The following FBRSL1 variants were observed in gnomAD, a reference collection of about 807,000 sequenced individuals.
FBRSL1 encodes fibrosin-1-like protein.
Under a neutral mutation model 89.6 loss-of-function variants are expected in FBRSL1, and 51 were observed. The observed-to-expected ratio is 0.57, with a 90% CI of 0.45 to 0.72. The LOEUF (loss-of-function observed/expected upper bound fraction) is 0.72, where lower values mean the gene tolerates loss of function less well. Among genes scored for constraint, FBRSL1 ranks in the 30% least tolerant of loss-of-function variants. FBRSL1 has a pLI of 0.00. For missense variants in FBRSL1, 1,618 were observed against 1,451.8 expected (o/e 1.11, Z -1.86); for synonymous variants, 779 against 681.1 (o/e 1.14, Z -2.24).
intron 5 of FBRSL1, among the ~76,000 whole-genome samples, chr12:132,558,136 C>T (rs1287013408): frequency 1.3e-5 from 2 of 152,150 alleles, no homozygotes; most frequent in Admixed American, 1.3e-4. Flanking sequence ...ACGGCCCCTC[C>T]TGGCTGGCTT....
intron 4 of FBRSL1, among the ~76,000 whole-genome samples, chr12:132,537,055 TCACCAGGAACCCCCTTGCTGTGTGGAGA>T (rs978628588): frequency 1.3e-5 from 2 of 152,140 alleles, no homozygotes; most frequent in African/African-American, 2.4e-5. Context: ...CCAGCTCTTG[TCACCAGGAACCCCCTTGCTGTGTGGAGA>T]CAGCTGGAGG....
intron 1 of FBRSL1, among the ~76,000 whole-genome samples, chr12:132,504,604 C>T (rs2033450130): frequency 6.6e-6 from 1 of 152,120 alleles, no homozygotes; most frequent in Non-Finnish European, 1.5e-5. Flanking sequence ...GTGCACTGCA[C>T]ACCTGTGGGG....
chr12:132,571,097 C>G lies in FBRSL1; in HGVS notation c.1243C>G (p.Pro415Ala). Reference protein sequence around the residue: ...DASLAVSFSQPIMYCQPHSGI... With the variant: ...DASLAVSFSQAIMYCQPHSGI... ...CAGCCTGGCGGTCTCATTCAGCCAG[C>G]CAATCATGTATTGCCAGCCTCATTC... Residue 415 changes from proline (P) to alanine (A), a missense_variant, in exon 9 of 19, where the codon CCA (proline) becomes GCA (alanine). By Grantham distance (27) the Pro-to-Ala change is conservative (BLOSUM62 -1). Coordinates refer to ENST00000680143, the MANE Select transcript of FBRSL1 (RefSeq NM_001367871.1). 7.4e-7 allele frequency: 1 copy of G among 1,358,570 alleles called. No homozygotes were observed. Among genetic ancestry groups the G allele is most frequent in the Non-Finnish European group, 9.5e-7 (1 of 1,057,836 alleles). 84.2% of individuals were successfully genotyped at this position (1,358,570 alleles called of 1,614,324 possible). A position where few individuals can be genotyped will look rare whatever the true frequency, so the allele number is the denominator to read the frequency against.
chr12:132,515,697 C>A (rs1275968262), intron 2 of FBRSL1, among the ~76,000 whole-genome samples: 3 of 151,922 alleles, frequency 2.0e-5, no homozygotes, highest in African/African-American at 7.3e-5. Flanking sequence ...GTCAGGAGTT[C>A]AAGACCAGCC....
intron 18 of FBRSL1, 58 bp downstream of exon 18, chr12:132,582,324 C>A (rs575274156): frequency 4.8e-6 from 7 of 1,444,766 alleles, no homozygotes; most frequent in Middle Eastern, 1.7e-4. Flanking sequence ...TTCTTTCCCC[C>A]CTCCCGTCAT....
chr12:132,492,568 C>G (rs2031226544), intron 1 of FBRSL1, among the ~76,000 whole-genome samples: 1 of 152,238 alleles, frequency 6.6e-6, no homozygotes, highest in Non-Finnish European at 1.5e-5. Flanking sequence ...GAACTGTACT[C>G]AGGAGATCCA....
chr12:132,572,794 C>G (rs112000448), intron 11 of FBRSL1, among the ~76,000 whole-genome samples, 172 bp downstream of exon 11: 1 of 152,182 alleles, frequency 6.6e-6, no homozygotes, highest in South Asian at 2.1e-4. Context: ...GGGGGCCCTG[C>G]GGTCTGTGTG....
Position 132,561,723 on chromosome 12 carries a change from G to A in FBRSL1, c.646-5758G>A, listed in dbSNP as rs568923642. 9.4e-4 allele frequency among the ~76,000 whole-genome samples: 143 copies of A among 152,330 alleles called. 2 individuals carry two copies. Among genetic ancestry groups the A allele is most frequent in the Middle Eastern group, 6.8e-3 (2 of 294 alleles). ...TCAAACCCGGGACGCCAGCCAAGAA[G>A]AGGGCCCGCGTGCGTGCCAGAGACA... On this transcript the variant is annotated intron_variant, in intron 5 of 18. Transcript: ENST00000680143.
chr12:132,514,634 C>G (rs2034669845), intron 2 of FBRSL1, among the ~76,000 whole-genome samples: 1 of 152,172 alleles, frequency 6.6e-6, no homozygotes, highest in East Asian at 1.9e-4. Flanking sequence ...CAGTCCCGGC[C>G]ATGGTGCAGG....
chr12:132,521,138 G>A (rs2136842480), intron 2 of FBRSL1, among the ~76,000 whole-genome samples: 1 of 152,356 alleles, frequency 6.6e-6, no homozygotes, highest in South Asian at 2.1e-4. Flanking sequence ...GGAGGCCCAG[G>A]AGTCCTGAAA....
chr12:132,571,249 C>A lies in FBRSL1; in HGVS notation c.1377+18C>A. ...AGTGCCAGGTGACTATCCGCCTCGC[C>A]CCGCCGGGAGCCCGCGGCCAACGTG... On this transcript the variant is annotated intron_variant, in intron 9 of 18. Coordinates refer to ENST00000680143, the MANE Select transcript of FBRSL1 (RefSeq NM_001367871.1). The A allele has an allele frequency of 2.0e-6, 3 of 1,476,384 alleles. No individual in the cohort carries two copies. The highest frequency in any genetic ancestry group is 2.7e-6 in the Non-Finnish European group (3 of 1,103,412). The allele number at this position is 1,476,384 out of a possible 1,614,324, so 91.5% of individuals were successfully genotyped here.
At chr12:132,544,593 C>T (rs1187298180) in intron 4 of FBRSL1, among the ~76,000 whole-genome samples, 2 of 151,564 alleles carry the variant, frequency 1.3e-5, no homozygotes, top group African/African-American at 4.9e-5. Context: ...CTGATGGTAA[C>T]GACAGTGATG....
chr12:132,570,930 C>T (rs1221284156), intron 8 of FBRSL1, 138 bp from the exon 9 acceptor site: 7 of 462,586 alleles, frequency 1.5e-5, no homozygotes, highest in South Asian at 9.2e-5. Context: ...GGCCCCCAGG[C>T]GCTTCCTGAG....
chr12:132,505,944 G>A (rs2033634025), intron 1 of FBRSL1, among the ~76,000 whole-genome samples: 1 of 152,270 alleles, frequency 6.6e-6, no homozygotes, highest in South Asian at 2.1e-4. Context: ...AATGGCCTCT[G>A]TTCTCTGCAG....
intron 4 of FBRSL1, among the ~76,000 whole-genome samples, chr12:132,533,055 C>G (rs1323460370): frequency 1.3e-5 from 2 of 152,202 alleles, no homozygotes; most frequent in Non-Finnish European, 2.9e-5. Flanking sequence ...AACCCATCAG[C>G]CTCTCCCTGG....
At chr12:132,541,029 G>A (rs920303395) in intron 4 of FBRSL1, among the ~76,000 whole-genome samples, 2 of 151,032 alleles carry the variant, frequency 1.3e-5, no homozygotes, top group East Asian at 2.0e-4. Context: ...GTGAGCCTGG[G>A]GGGCAGAGCC....
chr12:132,501,608 C>G (rs368883448), intron 1 of FBRSL1, among the ~76,000 whole-genome samples: 1 of 152,164 alleles, frequency 6.6e-6, no homozygotes, highest in Admixed American at 6.5e-5. Context: ...GCCTGCCTTC[C>G]GCTCGGGGCC....
intron 2 of FBRSL1, among the ~76,000 whole-genome samples, chr12:132,522,857 C>T (rs1593331836): frequency 6.6e-6 from 1 of 152,194 alleles, no homozygotes; most frequent in East Asian, 1.9e-4. Flanking sequence ...TGCCTTTCCC[C>T]CCGCACCTGC....
At position 132,511,465 on chromosome 12, in the gene FBRSL1, C is replaced by G. The variant is rs937389392; in HGVS notation, c.489+3115C>G. On this transcript the variant is annotated intron_variant, in intron 2 of 18. Transcript: ENST00000680143. Reference sequence around the variant, plus strand: ...CTCAGGACCTGGTCTCAAGGCAGCCCCACTCGAGTCTTCTGGAGTCCAAGG... The same window carrying G: ...CTCAGGACCTGGTCTCAAGGCAGCCGCACTCGAGTCTTCTGGAGTCCAAGG... The G allele has an allele frequency of 2.2e-5, 22 of 986,036 alleles. No homozygotes were observed. The African/African-American group carries it at 3.5e-4, about 16-fold the overall frequency. 61.1% of individuals were successfully genotyped at this position (986,036 alleles called of 1,614,324 possible).
Sources: allele counts gnomAD v4.1 joint callset (sites outside exome capture counted in the v4.1 genomes callset), GRCh38; gene constraint gnomAD v4.1.1; transcripts MANE v1.5; gene names NCBI Gene and HGNC (gene_info 2026-07-23, HGNC 2026-07-21).